Variants in RAD54B observed in about 807,000 individuals in gnomAD.
The protein encoded by RAD54B is DNA repair and recombination protein RAD54B.
RAD54B carries 78 observed loss-of-function variants against 95.8 expected under a neutral mutation model. The observed-to-expected ratio is 0.81, with a 90% CI of 0.68 to 0.98. RAD54B has a LOEUF of 0.98. Ranked by LOEUF, RAD54B falls within the 50% of genes least tolerant of loss-of-function variation. The pLI, the probability that RAD54B is intolerant of heterozygous loss-of-function variation, is 0.00. For synonymous variants in RAD54B, 328 were observed against 354.9 expected, an observed-to-expected ratio of 0.92 and a Z score of 0.85; for missense variants, 957 against 1,056.6, an observed-to-expected ratio of 0.91 and a Z score of 1.31.
At chr8:94,451,453 G>A (rs1248481924) in intron 3 of RAD54B, among the ~76,000 whole-genome samples, 1 of 152,182 alleles carries the variant, frequency 6.6e-6, no homozygotes, top group Non-Finnish European at 1.5e-5. Context: ...TAGATGGAAT[G>A]AGAAAACTAA....
chr8:94,386,679 T>A (rs1810897435), intron 11 of RAD54B, among the ~76,000 whole-genome samples: 1 of 152,082 alleles, frequency 6.6e-6, no homozygotes, highest in Non-Finnish European at 1.5e-5. Context: ...GAGAAAATCC[T>A]AAGGTGTATC....
intron 3 of RAD54B, among the ~76,000 whole-genome samples, chr8:94,420,017 C>G (rs1256262829): frequency 3.3e-5 from 5 of 152,048 alleles, no homozygotes; most frequent in African/African-American, 1.2e-4. Context: ...CAGTATTCAG[C>G]ACAGCACATG....
rs1196266865 is a variant in RAD54B, at chr8:94,475,082, C to T, written c.-98G>A. 6.5e-6 allele frequency: 1 copy of T among 152,676 alleles called. No individual in the cohort carries two copies. Among genetic ancestry groups the T allele is most frequent in the Non-Finnish European group, 1.5e-5 (1 of 68,408 alleles). 9.5% of individuals were successfully genotyped at this position (152,676 alleles called of 1,614,324 possible). A position where few individuals can be genotyped will look rare whatever the true frequency, so the allele number is the denominator to read the frequency against. On this transcript the variant is annotated 5_prime_UTR_variant, in exon 1 of 15. Transcript: ENST00000336148. Reference sequence around the variant, plus strand: ...CTATCCCCTCGCCGCCGGAGAAGCTCAAGGATCCCGCCTCGGCGAAGCCAA... The same window carrying T: ...CTATCCCCTCGCCGCCGGAGAAGCTTAAGGATCCCGCCTCGGCGAAGCCAA...
At chr8:94,470,230 G>A (rs34019009) in intron 1 of RAD54B, among the ~76,000 whole-genome samples, 15,608 of 152,184 alleles carry the variant, frequency 0.1, 1,536 homozygotes, top group African/African-American at 0.25. Context: ...GGAGGCCGAG[G>A]CAGGTGGATC....
chr8:94,467,317 G>A (rs1169610005), intron 2 of RAD54B, 88 bp downstream of exon 2: 1 of 1,190,082 alleles, frequency 8.4e-7, no homozygotes, highest in Non-Finnish European at 1.1e-6. Flanking sequence ...CCTACAGGCA[G>A]AAAATACTGT....
intron 10 of RAD54B, among the ~76,000 whole-genome samples, chr8:94,390,042 GT>G (rs1200485550): frequency 6.6e-6 from 1 of 151,884 alleles, no homozygotes; most frequent in African/African-American, 2.4e-5. Context: ...TATAGAATCA[GT>G]TTTTTTTAAG....
intron 3 of RAD54B, chr8:94,436,525 C>T: frequency 1.3e-6 from 2 of 1,549,760 alleles, no homozygotes; most frequent in Non-Finnish European, 1.7e-6. Context: ...TCTTACCAGG[C>T]AAAAACTGGA....
rs558534459 is a variant in RAD54B, at chr8:94,393,723, T to C, written c.1518+20A>G. ...AGACATACGGCTTTTTAAAAACCTA[T>C]TTATTAGAGTAAATTATACCTCAGA... On this transcript the variant is annotated intron_variant, in intron 9 of 14. Coordinates refer to ENST00000336148, the MANE Select transcript of RAD54B (RefSeq NM_012415.3). 4 of 1,537,482 alleles carry C rather than the reference T, an allele frequency of 2.6e-6. No homozygotes were observed. In the East Asian group the frequency reaches 9.0e-5, roughly 35 times the overall value.
chr8:94,392,471 A>G (rs1811045619), intron 9 of RAD54B, among the ~76,000 whole-genome samples: 1 of 152,186 alleles, frequency 6.6e-6, no homozygotes, highest in Non-Finnish European at 1.5e-5. Flanking sequence ...CATGTCGGCC[A>G]GGCTGATCTT....
intron 3 of RAD54B, chr8:94,429,201 GT>G (rs1235372338): frequency 1.3e-6 from 1 of 750,206 alleles, no homozygotes; most frequent in East Asian, 1.3e-4. Flanking sequence ...AATGAATTGT[GT>G]CACCTAACAC....
chr8:94,425,789 G>A (rs1479951705), intron 3 of RAD54B, among the ~76,000 whole-genome samples: 11 of 148,342 alleles, frequency 7.4e-5, no homozygotes, highest in Non-Finnish European at 1.0e-4. Context: ...CCTCATGTCA[G>A]AGCATATATG....
intron 5 of RAD54B, among the ~76,000 whole-genome samples, chr8:94,404,558 G>C (rs1403246524): frequency 6.6e-6 from 1 of 152,164 alleles, no homozygotes; most frequent in Non-Finnish European, 1.5e-5. Context: ...TCAGTATTCA[G>C]AGCAAAGAGA....
intron 8 of RAD54B, among the ~76,000 whole-genome samples, chr8:94,398,160 T>C (rs887617930): frequency 1.3e-5 from 2 of 152,150 alleles, no homozygotes; most frequent in East Asian, 3.8e-4. Context: ...CCAGAAAATC[T>C]TGGGGGTATA....
chr8:94,398,642 G>A (rs1186336356), intron 8 of RAD54B, among the ~76,000 whole-genome samples: 2 of 151,970 alleles, frequency 1.3e-5, no homozygotes, highest in Non-Finnish European at 2.9e-5. Context: ...TAGAAAATAG[G>A]GGAATTGTAA....
intron 14 of RAD54B, among the ~76,000 whole-genome samples, chr8:94,375,578 G>T (rs1227699656): frequency 6.6e-6 from 1 of 151,990 alleles, no homozygotes; most frequent in South Asian, 2.1e-4. Context: ...TTTGTAAATC[G>T]CCCAGTCTCA....
intron 9 of RAD54B, 109 bp downstream of exon 9, chr8:94,393,634 A>G: frequency 1.9e-6 from 2 of 1,069,160 alleles, no homozygotes; most frequent in East Asian, 2.6e-5. Context: ...GTGGAGAAAA[A>G]TAAAGAGTTC....
At chr8:94,412,012 C>T (rs1811541440) in intron 3 of RAD54B, among the ~76,000 whole-genome samples, 1 of 152,020 alleles carries the variant, frequency 6.6e-6, no homozygotes, top group African/African-American at 2.4e-5. Flanking sequence ...ATCCTTTGAC[C>T]AACATCTCCC....
chr8:94,381,165 A>G (rs1810730029), intron 11 of RAD54B, among the ~76,000 whole-genome samples: 1 of 152,188 alleles, frequency 6.6e-6, no homozygotes, highest in African/African-American at 2.4e-5. Context: ...TAGATACTGA[A>G]TAAGATCCCT....
intron 12 of RAD54B, among the ~76,000 whole-genome samples, chr8:94,379,550 C>CATTATAGT: frequency 6.6e-6 from 1 of 152,164 alleles, no homozygotes; most frequent in Admixed American, 6.5e-5. Context: ...TATAATGTAA[C>CATTATAGT]ATAACTGTGA....
Sources: allele counts gnomAD v4.1 joint callset (sites outside exome capture counted in the v4.1 genomes callset), GRCh38; gene constraint gnomAD v4.1.1; transcripts MANE v1.5; gene names NCBI Gene and HGNC (gene_info 2026-07-23, HGNC 2026-07-21).